Variants in ZBTB8OS observed in about 807,000 individuals in gnomAD.
ZBTB8OS encodes the protein tRNA splicing ligase complex subunit 1, also known as tRNA-splicing ligase-activating factor archease.
In ZBTB8OS, 16 loss-of-function variants were observed where a neutral mutation model predicts 29.3. The observed-to-expected ratio is 0.55, with a 90% CI of 0.37 to 0.83. ZBTB8OS has a LOEUF of 0.83. Among genes scored for constraint, ZBTB8OS ranks in the 40% least tolerant of loss-of-function variants. The probability of loss-of-function intolerance (pLI) is 0.00; values close to 1 mark genes in which losing one functional copy is unlikely to be tolerated. For missense variants in ZBTB8OS, 160 were observed against 196.9 expected (o/e 0.81, Z 1.12); for synonymous variants, 70 against 64.6 (o/e 1.08, Z -0.40).
chr1:32,650,367 C>CCG (rs1013587185), intron 1 of ZBTB8OS, 66 bp downstream of exon 1: 5 of 1,597,408 alleles, frequency 3.1e-6, no homozygotes, highest in Non-Finnish European at 3.4e-6. Context: ...CAGCAGGAAG[C>CCG]CGCGGGTAAG....
chr1:32,648,592 C>T (rs183701222), intron 1 of ZBTB8OS, among the ~76,000 whole-genome samples: 3 of 152,254 alleles, frequency 2.0e-5, no homozygotes, highest in African/African-American at 7.2e-5. Flanking sequence ...AGGATGGGGG[C>T]TGCCAGAGTT....
Position 32,636,375 on chromosome 1 carries a change from C to T in ZBTB8OS, c.98-1583G>A, listed in dbSNP as rs547715365. On this transcript the variant is annotated intron_variant, in intron 1 of 6. Transcript: ENST00000468695. ...TGTCTGGGCAGCAGGCAAAGTTAAC[C>T]CATTGGGCGGTTACACTTATAAGAA... 8.5e-5 allele frequency among the ~76,000 whole-genome samples: 13 copies of T among 152,244 alleles called. No homozygotes were observed. The South Asian group carries it at 2.7e-3, about 32-fold the overall frequency.
rs778364289 is a variant in ZBTB8OS at position 32,631,785 on chromosome 1, A to C, written c.380+42T>G. On this transcript the variant is annotated intron_variant, in intron 5 of 6. Coordinates refer to ENST00000468695, the MANE Select transcript of ZBTB8OS (RefSeq NM_178547.5). ...CCTTGCTCATTGAATTCAATGAAGA[A>C]TATAACTTTAACTCGGTACTTAAAA... 6 of 1,411,962 alleles carry C rather than the reference A, an allele frequency of 4.2e-6. No homozygotes were observed. The African/African-American group carries it at 7.2e-5, about 17-fold the overall frequency. The allele number at this position is 1,411,962 out of a possible 1,614,324, so 87.5% of individuals were successfully genotyped here. A position where few individuals can be genotyped will look rare whatever the true frequency, so the allele number is the denominator to read the frequency against.
At chr1:32,635,276 C>CT (rs4011958) in intron 1 of ZBTB8OS, among the ~76,000 whole-genome samples, 5,733 of 141,894 alleles carry the variant, frequency 0.04, 212 homozygotes, top group East Asian at 0.11. Context: ...TATCATGACT[C>CT]TTTTTTTTTT....
At chr1:32,648,133 T>C (rs1646995877) in intron 1 of ZBTB8OS, among the ~76,000 whole-genome samples, 1 of 152,038 alleles carries the variant, frequency 6.6e-6, no homozygotes, top group Admixed American at 6.6e-5. Context: ...CAGTATAATA[T>C]GTTCAACTTC....
At chr1:32,641,979 T>G (rs1338296255) in intron 1 of ZBTB8OS, among the ~76,000 whole-genome samples, 1 of 152,078 alleles carries the variant, frequency 6.6e-6, no homozygotes, top group Non-Finnish European at 1.5e-5. Flanking sequence ...TTTTGTTACA[T>G]AGAATATTAT....
intron 1 of ZBTB8OS, among the ~76,000 whole-genome samples, chr1:32,637,228 C>A (rs749091538): frequency 1.3e-5 from 2 of 151,990 alleles, no homozygotes; most frequent in Non-Finnish European, 2.9e-5. Context: ...TGAGTAACGT[C>A]GAGTTGTATT....
chr1:32,630,239 G>A (rs1280414339), intron 5 of ZBTB8OS, among the ~76,000 whole-genome samples: 1 of 152,050 alleles, frequency 6.6e-6, no homozygotes, highest in African/African-American at 2.4e-5. Flanking sequence ...AAAATTAGCT[G>A]AGATTAGCCA....
At chr1:32,631,344 GA>G (rs375258022) in intron 5 of ZBTB8OS, among the ~76,000 whole-genome samples, 352 of 129,194 alleles carry the variant, frequency 2.7e-3, no homozygotes, top group African/African-American at 9.7e-3. Context: ...GACAGAACAA[GA>G]CCCTGTATCA....
chr1:32,626,514 T>C (rs1645143923), intron 6 of ZBTB8OS, among the ~76,000 whole-genome samples: 1 of 152,158 alleles, frequency 6.6e-6, no homozygotes, highest in South Asian at 2.1e-4. Flanking sequence ...TACAGTCCCA[T>C]AAAGTAAGAG....
chr1:32,627,758 C>G (rs1645226031), intron 5 of ZBTB8OS: 15 of 567,354 alleles, frequency 2.6e-5, no homozygotes, highest in Non-Finnish European at 4.7e-5. Flanking sequence ...TAGTTAAGGC[C>G]AGGTGCGGTG....
intron 1 of ZBTB8OS, among the ~76,000 whole-genome samples, chr1:32,648,564 A>T (rs1647029009): frequency 6.6e-6 from 1 of 152,188 alleles, no homozygotes. Flanking sequence ...TGCTCTACAG[A>T]GGGGGACTAG....
chr1:32,650,525 G>A lies in ZBTB8OS; in HGVS notation c.5C>T (p.Ala2Val). ...ATCTCTAACATCTTCCTCTTCCTGC[G>A]CCATGACTGCAGGATTAGACACTCT... is the stretch of plus-strand genomic sequence containing the variant. MAQEEEDVRDYN... is the reference protein window; with the variant it reads MVQEEEDVRDYN... The change falls in exon 1 of 7, where the codon GCG becomes GTG. Residue 2 changes from alanine (A) to valine (V), a missense_variant. Ala to Val is a moderately conservative substitution (Grantham distance 64). Transcript: ENST00000468695. The A allele has an allele frequency of 6.2e-7, 1 of 1,613,956 alleles. No homozygotes were observed. Among genetic ancestry groups the A allele is most frequent in the South Asian group, 1.1e-5 (1 of 91,068 alleles).
chr1:32,623,998 T>G lies in ZBTB8OS; in HGVS notation c.418-2050A>C, dbSNP rs557315587. Among the ~76,000 whole-genome samples, 117 of 152,186 alleles carry G rather than the reference T, an allele frequency of 7.7e-4. 1 individual carries two copies. Among genetic ancestry groups the G allele is most frequent in the African/African-American group, 2.6e-3 (110 of 41,522 alleles). ...TGATAGTGCGTGAGTTTTCAGGAGATCTGATGGTTTTCTAAGGGGCTTCCC... is the reference window on the plus strand; with the variant it reads ...TGATAGTGCGTGAGTTTTCAGGAGAGCTGATGGTTTTCTAAGGGGCTTCCC... On this transcript the variant is annotated intron_variant, in intron 6 of 6. Transcript: ENST00000468695.
intron 1 of ZBTB8OS, among the ~76,000 whole-genome samples, chr1:32,646,677 A>G (rs1347839748): frequency 2.0e-5 from 3 of 151,926 alleles, no homozygotes; most frequent in African/African-American, 7.2e-5. Context: ...AAAATTAGGA[A>G]AATTATTTTA....
At chr1:32,640,663 G>A (rs970382932) in intron 1 of ZBTB8OS, among the ~76,000 whole-genome samples, 5 of 151,724 alleles carry the variant, frequency 3.3e-5, no homozygotes, top group East Asian at 2.0e-4. Flanking sequence ...CTACAGACAC[G>A]CACCACCACA....
intron 6 of ZBTB8OS, among the ~76,000 whole-genome samples, chr1:32,622,567 T>C (rs999747153): frequency 6.6e-6 from 1 of 152,094 alleles, no homozygotes; most frequent in African/African-American, 2.4e-5. Context: ...CCGGGTCTAT[T>C]TGAGAGTTGG....
At chr1:32,627,766 G>A in intron 5 of ZBTB8OS, 2 of 556,258 alleles carry the variant, frequency 3.6e-6, no homozygotes, top group South Asian at 2.2e-5. Context: ...GCCAGGTGCG[G>A]TGGCTCATAC....
chr1:32,634,098 G>A, intron 2 of ZBTB8OS, 26 bp from the exon 3 acceptor site: 1 of 1,441,826 alleles, frequency 6.9e-7, no homozygotes, highest in Non-Finnish European at 9.1e-7. Flanking sequence ...CATGCTCTGT[G>A]TAATACAATC....
Sources: allele counts gnomAD v4.1 joint callset (sites outside exome capture counted in the v4.1 genomes callset), GRCh38; gene constraint gnomAD v4.1.1; transcripts MANE v1.5; gene names NCBI Gene and HGNC (gene_info 2026-07-23, HGNC 2026-07-21).